THAP6: variants seen among roughly 807,000 people sequenced by gnomAD.
The protein encoded by THAP6 is THAP domain containing 6.
THAP6 carries 13 observed loss-of-function variants against 20.0 expected under a neutral mutation model. The ratio of observed to expected loss-of-function variants is 0.65; its 90% CI spans 0.42 to 1.03. The LOEUF is 1.03. Ranked by LOEUF, THAP6 falls within the 50% of genes least tolerant of loss-of-function variation. The probability of loss-of-function intolerance (pLI) is 0.00; values close to 1 mark genes in which losing one functional copy is unlikely to be tolerated. For missense variants in THAP6, 262 were observed against 261.6 expected (o/e 1.00, Z -0.01); for synonymous variants, 93 against 92.2 (o/e 1.01, Z -0.05).
intron 3 of THAP6, 139 bp downstream of exon 3, chr4:75,517,118 A>G (rs1725713892): frequency 1.6e-6 from 1 of 622,598 alleles, no homozygotes; most frequent in Non-Finnish European, 2.6e-6. Flanking sequence ...TCCAGGGTTT[A>G]AGCAATTCTC....
chr4:75,547,264 G>A (rs1034620967), intron 3 of THAP6, among the ~76,000 whole-genome samples: 3 of 152,090 alleles, frequency 2.0e-5, no homozygotes, highest in East Asian at 1.9e-4. Context: ...ACTTAAAAGT[G>A]GTTAAAATGG....
Position 75,528,008 on chromosome 4 carries a change from A to G in THAP6, c.*794A>G. The G allele has an allele frequency of 1.0e-6, 1 of 985,382 alleles. No homozygotes were observed. The highest frequency in any genetic ancestry group is 1.2e-6 in the Non-Finnish European group (1 of 829,854). 61.0% of individuals were successfully genotyped at this position (985,382 alleles called of 1,614,324 possible). On this transcript the variant is annotated 3_prime_UTR_variant, in exon 5 of 5. Transcript: ENST00000311638. ...GGTATATGTTTAAAATCTGAATGGC[A>G]GTACTAGCTCTATACTTTTAATACT...
Position 75,527,364 on chromosome 4 carries a change from T to C in THAP6, c.*150T>C, listed in dbSNP as rs1578273047. The stretch of plus-strand genomic sequence containing the variant: ...CATTATAGTTGTTATCCAAAGACTT[T>C]TTTGAAAATATGCAGAAATTTGTGG... On this transcript the variant is annotated 3_prime_UTR_variant, in exon 5 of 5. Coordinates refer to ENST00000311638, the MANE Select transcript of THAP6 (RefSeq NM_144721.6). The C allele has an allele frequency of 9.7e-6, 14 of 1,437,612 alleles. No individual in the cohort carries two copies. The East Asian group carries it at 3.2e-4, about 33-fold the overall frequency. 89.1% of individuals were successfully genotyped at this position (1,437,612 alleles called of 1,614,324 possible).
chr4:75,514,179 G>A, upstream of THAP6: 1 of 1,604,674 alleles, frequency 6.2e-7, no homozygotes, highest in East Asian at 2.2e-5. Flanking sequence ...TCAGGGAAGA[G>A]TCCATAGAAG....
At chr4:75,531,982 G>A (rs181603978), downstream of THAP6, among the ~76,000 whole-genome samples, 342 of 152,024 alleles carry the variant, frequency 2.2e-3, 3 homozygotes, top group African/African-American at 7.7e-3. Flanking sequence ...GTGTCATTCC[G>A]CCCCAGCCCC....
Position 75,528,737 on chromosome 4 carries a change from AAAG to A in THAP6, c.*1524_*1526del. The A allele has an allele frequency of 1.0e-6, 1 of 973,170 alleles. No homozygotes were observed. Among genetic ancestry groups the A allele is most frequent in the Non-Finnish European group, 1.2e-6 (1 of 827,110 alleles). The allele number at this position is 973,170 out of a possible 1,614,324, so 60.3% of individuals were successfully genotyped here. A position where few individuals can be genotyped will look rare whatever the true frequency, so the allele number is the denominator to read the frequency against. On this transcript the variant is annotated 3_prime_UTR_variant, in exon 5 of 5. Transcript: ENST00000311638. Reference sequence around the variant, plus strand: ...CCATATCTTTTTACAATCTGAAAAAAAAGTAGTAAAAAGGTAGTTAAAAAAAAA... The same window carrying A: ...CCATATCTTTTTACAATCTGAAAAAATAGTAAAAAGGTAGTTAAAAAAAAA...
chr4:75,532,460 C>T (rs6849334), downstream of THAP6, among the ~76,000 whole-genome samples: 13,421 of 152,208 alleles, frequency 0.088, 976 homozygotes, highest in African/African-American at 0.18. Context: ...TCCAGGCTCA[C>T]AGTGCAAGCT....
At chr4:75,524,246 G>A (rs901175043) in intron 4 of THAP6, among the ~76,000 whole-genome samples, 2 of 151,742 alleles carry the variant, frequency 1.3e-5, no homozygotes, top group Non-Finnish European at 2.9e-5. Context: ...CTCAATCTTT[G>A]TGCTATTGCT....
intron 2 of THAP6, among the ~76,000 whole-genome samples, chr4:75,537,241 C>A (rs941153742): frequency 2.0e-5 from 3 of 152,122 alleles, no homozygotes; most frequent in African/African-American, 7.2e-5. Flanking sequence ...GCAAAGATGT[C>A]CAGGTCCTAA....
chr4:75,545,884 C>G (rs565354048), intron 3 of THAP6, among the ~76,000 whole-genome samples: 8 of 152,316 alleles, frequency 5.3e-5, no homozygotes, highest in Admixed American at 2.0e-4. Context: ...TGAAGCTGAT[C>G]CAGCCTCAGA....
chr4:75,515,887 A>G lies in THAP6; in HGVS notation c.80+355A>G, dbSNP rs1459062200. ...TTTGCTCGAATATATTGCCCTCTCT[A>G]TTTAGAAGTAGATCAAGCATAGGTT... On this transcript the variant is annotated intron_variant, in intron 2 of 4. Transcript: ENST00000311638. Among the ~76,000 whole-genome samples the G allele has an allele frequency of 7.2e-5, 11 of 152,376 alleles. No individual in the cohort carries two copies. In the South Asian group the frequency reaches 1.4e-3, roughly 20 times the overall value.
intron 2 of THAP6, among the ~76,000 whole-genome samples, chr4:75,539,226 C>T (rs1429021524): frequency 6.6e-6 from 1 of 152,204 alleles, no homozygotes; most frequent in East Asian, 1.9e-4. Flanking sequence ...ACACACATGG[C>T]TCAATAGATT....
intron 2 of THAP6, chr4:75,540,049 C>G: frequency 7.1e-7 from 1 of 1,410,372 alleles, no homozygotes; most frequent in Non-Finnish European, 9.5e-7. Flanking sequence ...GGGAAAATTT[C>G]AATCACCATC....
At chr4:75,516,221 GAT>G (rs1387481140) in intron 2 of THAP6, among the ~76,000 whole-genome samples, 8 of 152,174 alleles carry the variant, frequency 5.3e-5, no homozygotes. Context: ...AATTGAGTAA[GAT>G]ATGGCTATTA....
chr4:75,522,578 C>T (rs1320350541), intron 4 of THAP6: 1 of 151,976 alleles, frequency 6.6e-6, no homozygotes, highest in Non-Finnish European at 1.5e-5. Context: ...ATCCCCACCT[C>T]CCCCCCATCC....
At chr4:75,532,933 T>G (rs532975307), downstream of THAP6, among the ~76,000 whole-genome samples, 1 of 152,344 alleles carries the variant, frequency 6.6e-6, no homozygotes, top group East Asian at 1.9e-4. Flanking sequence ...TGGAAGGGGC[T>G]GCCTTGAAGA....
intron 4 of THAP6, among the ~76,000 whole-genome samples, chr4:75,524,000 A>C (rs565837258): frequency 1.3e-5 from 2 of 152,256 alleles, no homozygotes; most frequent in Non-Finnish European, 2.9e-5. Flanking sequence ...CAGTTTTACC[A>C]GCACCGTTTA....
chr4:75,545,323 C>T (rs932317877), intron 3 of THAP6, among the ~76,000 whole-genome samples: 4 of 152,116 alleles, frequency 2.6e-5, no homozygotes, highest in Non-Finnish European at 2.9e-5. Context: ...TGCCCCTCAC[C>T]GGGATGTTAC....
In THAP6 at chr4:75,536,634, C is replaced by A. The variant is rs546649980; in HGVS notation, c.166-5775C>A. ...CCACCTACTGGGCTCAAGCGATCCTCCCACCTGGGACTACAGGTGTGCACC... is the reference window on the plus strand; with the variant it reads ...CCACCTACTGGGCTCAAGCGATCCTACCACCTGGGACTACAGGTGTGCACC... On this transcript the variant is annotated intron_variant, in intron 2 of 4. Coordinates refer to the THAP6 transcript ENST00000502620. 1.1e-4 allele frequency among the ~76,000 whole-genome samples: 17 copies of A among 152,252 alleles called. No homozygotes were observed. The East Asian group carries it at 3.3e-3, about 29-fold the overall frequency.
Sources: allele counts gnomAD v4.1 joint callset (sites outside exome capture counted in the v4.1 genomes callset), GRCh38; gene constraint gnomAD v4.1.1; transcripts MANE v1.5; gene names NCBI Gene and HGNC (gene_info 2026-07-23, HGNC 2026-07-21).